Variants in SCFD2 observed in about 807,000 individuals in gnomAD.
The protein encoded by SCFD2 is sec1 family domain containing 2.
SCFD2 carries 54 observed loss-of-function variants against 58.9 expected under a neutral mutation model. The ratio of observed to expected loss-of-function variants is 0.92; its 90% CI spans 0.74 to 1.15. The LOEUF is 1.15. Ranked by LOEUF, SCFD2 falls within the 50% of genes most tolerant of loss-of-function variation. The pLI is 0.00. For missense variants in SCFD2, 805 were observed against 836.6 expected (o/e 0.96, Z 0.47); for synonymous variants, 321 against 335.9 (o/e 0.96, Z 0.49).
chr4:53,241,705 G>A (rs1729899130), intron 4 of SCFD2, among the ~76,000 whole-genome samples: 1 of 152,184 alleles, frequency 6.6e-6, no homozygotes, highest in Non-Finnish European at 1.5e-5. Flanking sequence ...GCATGTATGT[G>A]TGTGTGCACC....
chr4:53,049,088 G>A (rs1353559275), intron 5 of SCFD2, among the ~76,000 whole-genome samples: 7 of 152,186 alleles, frequency 4.6e-5, no homozygotes, highest in Non-Finnish European at 7.4e-5. Flanking sequence ...ACAGAATGGC[G>A]TACCTTCTTT....
intron 1 of SCFD2, among the ~76,000 whole-genome samples, chr4:53,356,889 A>T (rs1282091926): frequency 6.6e-6 from 1 of 151,946 alleles, no homozygotes; most frequent in Non-Finnish European, 1.5e-5. Context: ...GGCGCCTGCC[A>T]CCACGCCCGG....
chr4:53,275,670 C>T (rs1731305400), intron 3 of SCFD2, among the ~76,000 whole-genome samples: 1 of 152,196 alleles, frequency 6.6e-6, no homozygotes. Context: ...AGTCCATTCA[C>T]TTTCCCTAGT....
intron 5 of SCFD2, among the ~76,000 whole-genome samples, chr4:53,006,388 G>A (rs1204542927): frequency 5.9e-5 from 9 of 152,184 alleles, no homozygotes; most frequent in Non-Finnish European, 2.9e-5. Flanking sequence ...TGGGCCTGGA[G>A]GTGAAGTAGA....
chr4:53,156,461 G>T (rs977349527), intron 4 of SCFD2, among the ~76,000 whole-genome samples: 2 of 151,368 alleles, frequency 1.3e-5, no homozygotes, highest in African/African-American at 4.9e-5. Context: ...ACTTTGGGAG[G>T]CCAAGGCGGG....
At chr4:53,335,119 C>T (rs1374216984) in intron 2 of SCFD2, among the ~76,000 whole-genome samples, 1 of 145,114 alleles carries the variant, frequency 6.9e-6, no homozygotes, top group African/African-American at 2.5e-5. Flanking sequence ...TTGCTGAAAC[C>T]CAGGAGGCAA....
At chr4:53,217,557 T>C (rs1356534476) in intron 4 of SCFD2, among the ~76,000 whole-genome samples, 4 of 152,198 alleles carry the variant, frequency 2.6e-5, no homozygotes, top group African/African-American at 4.8e-5. Flanking sequence ...AGATGGGTCT[T>C]GTGAATACAG....
intron 4 of SCFD2, among the ~76,000 whole-genome samples, chr4:53,213,626 T>A (rs1453841976): frequency 6.6e-6 from 1 of 152,144 alleles, no homozygotes. Flanking sequence ...CTTCAAATTT[T>A]CTCATTCATT....
chr4:53,360,157 T>C (rs1734511898), intron 1 of SCFD2, among the ~76,000 whole-genome samples: 1 of 152,210 alleles, frequency 6.6e-6, no homozygotes, highest in African/African-American at 2.4e-5. Flanking sequence ...ATGTACCCAC[T>C]GAAAATCAAT....
intron 2 of SCFD2, among the ~76,000 whole-genome samples, chr4:53,351,332 A>G (rs6821328): frequency 0.43 from 65,522 of 152,008 alleles, 15,975 homozygotes; most frequent in Admixed American, 0.54. Context: ...CATTCAAGAC[A>G]TAATTAAAGC....
intron 4 of SCFD2, among the ~76,000 whole-genome samples, chr4:53,254,103 G>C (rs1256543531): frequency 6.6e-6 from 1 of 152,112 alleles, no homozygotes; most frequent in Admixed American, 6.6e-5. Flanking sequence ...AGGGTGGAGG[G>C]TGGAGAAGGG....
chr4:52,961,230 C>A (rs149663469), intron 5 of SCFD2, among the ~76,000 whole-genome samples: 2 of 152,284 alleles, frequency 1.3e-5, no homozygotes, highest in East Asian at 3.9e-4. Flanking sequence ...GAGACATGAT[C>A]TTGAGACTTT....
At chr4:53,195,150 C>G (rs1728024383) in intron 4 of SCFD2, among the ~76,000 whole-genome samples, 1 of 152,120 alleles carries the variant, frequency 6.6e-6, no homozygotes, top group Admixed American at 6.6e-5. Context: ...ACTCAAGCCT[C>G]TGTATCCCAG....
intron 5 of SCFD2, among the ~76,000 whole-genome samples, chr4:52,959,214 G>GT (rs1331732136): frequency 6.6e-6 from 1 of 152,138 alleles, no homozygotes; most frequent in African/African-American, 2.4e-5. Flanking sequence ...GTCTCAATCT[G>GT]TAATGGCTGT....
intron 4 of SCFD2, among the ~76,000 whole-genome samples, chr4:53,184,004 C>T (rs1478400330): frequency 6.6e-6 from 1 of 152,144 alleles, no homozygotes; most frequent in South Asian, 2.1e-4. Flanking sequence ...CCTAATACAA[C>T]AAATGCCTTT....
intron 7 of SCFD2, among the ~76,000 whole-genome samples, chr4:52,890,661 C>G (rs1414089715): frequency 6.6e-6 from 1 of 152,166 alleles, no homozygotes; most frequent in East Asian, 1.9e-4. Flanking sequence ...GTCCGAGTCA[C>G]TGTTCTTTCT....
At chr4:52,926,159 ACTC>A (rs956179764) in intron 5 of SCFD2, among the ~76,000 whole-genome samples, 5 of 151,740 alleles carry the variant, frequency 3.3e-5, no homozygotes, top group Non-Finnish European at 7.4e-5. Flanking sequence ...ATGAAGCTCT[ACTC>A]CTTACTCCAG....
At chr4:53,287,038 C>T (rs1731689389) in intron 3 of SCFD2, among the ~76,000 whole-genome samples, 1 of 152,086 alleles carries the variant, frequency 6.6e-6, no homozygotes, top group Admixed American at 6.6e-5. Flanking sequence ...CCCCTTCTCC[C>T]CTGGTGCCAT....
At chr4:53,167,484 A>C (rs1727045016) in intron 4 of SCFD2, among the ~76,000 whole-genome samples, 1 of 152,244 alleles carries the variant, frequency 6.6e-6, no homozygotes, top group Admixed American at 6.5e-5. Flanking sequence ...AATATTGAGC[A>C]GGAACATTGA....
Sources: allele counts gnomAD v4.1 joint callset (sites outside exome capture counted in the v4.1 genomes callset), GRCh38; gene constraint gnomAD v4.1.1; transcripts MANE v1.5; gene names NCBI Gene and HGNC (gene_info 2026-07-23, HGNC 2026-07-21).